The following RNF141 variants were observed in gnomAD, a reference collection of about 807,000 sequenced individuals.
RNF141 encodes ring finger protein 141.
RNF141 carries 18 observed loss-of-function variants against 27.4 expected under a neutral mutation model. The observed-to-expected ratio is 0.66, with a 90% confidence interval of 0.45 to 0.97. RNF141 has a LOEUF of 0.97. Among genes scored for constraint, RNF141 ranks in the 50% least tolerant of loss-of-function variants. The pLI, the probability that RNF141 is intolerant of heterozygous loss-of-function variation, is 0.00. For synonymous variants in RNF141, 97 were observed against 96.6 expected (o/e 1.00, Z -0.02); for missense variants, 230 against 279.4 (o/e 0.82, Z 1.26).
intron 2 of RNF141, chr11:10,532,120 CAA>C: frequency 3.2e-6 from 1 of 315,304 alleles, no homozygotes. Context: ...TGCTAAAGGG[CAA>C]AACTTCATAC....
At chr11:10,537,383 A>C (rs2133977351) in intron 1 of RNF141, among the ~76,000 whole-genome samples, 2 of 152,370 alleles carry the variant, frequency 1.3e-5, no homozygotes, top group Middle Eastern at 6.8e-3. Context: ...AATGTAATTA[A>C]GATTCTAGTC....
chr11:10,534,614 T>C (rs1464153712), intron 1 of RNF141, among the ~76,000 whole-genome samples: 1 of 152,166 alleles, frequency 6.6e-6, no homozygotes, highest in Non-Finnish European at 1.5e-5. Flanking sequence ...TTCCGTATAT[T>C]ATGTCAATTA....
At chr11:10,528,301 C>T (rs1263177852) in intron 3 of RNF141, among the ~76,000 whole-genome samples, 2 of 152,096 alleles carry the variant, frequency 1.3e-5, no homozygotes, top group Non-Finnish European at 2.9e-5. Context: ...ACACTGACCT[C>T]TCAGATTCTT....
chr11:10,540,395 A>ATCCACATT (rs1850085580), intron 1 of RNF141, among the ~76,000 whole-genome samples: 1 of 152,214 alleles, frequency 6.6e-6, no homozygotes, highest in Non-Finnish European at 1.5e-5. Flanking sequence ...ACAATCGTAA[A>ATCCACATT]TCCACATTTT....
intron 4 of RNF141, 145 bp downstream of exon 4, chr11:10,525,047 C>T (rs1849919876): frequency 1.8e-6 from 1 of 568,760 alleles, no homozygotes; most frequent in East Asian, 3.1e-5. Flanking sequence ...CACAGAATAA[C>T]CCCAAAACTG....
intron 5 of RNF141, chr11:10,516,043 G>A (rs1443000023): frequency 6.6e-6 from 1 of 152,114 alleles, no homozygotes; most frequent in Non-Finnish European, 1.5e-5. Flanking sequence ...AGTGAAATCT[G>A]GGACCAAAGT....
rs1489796241 is a variant in RNF141, at chr11:10,512,155, TTATATTTCC to T, written c.*2752_*2760del. On this transcript the variant is annotated 3_prime_UTR_variant, in exon 6 of 6. Transcript: ENST00000265981. ...CTTCACAAATCCTAGAAGGCACACA[TTATATTTCC>T]TATCATAGTAAGTACATTTAAGTAC... 6.6e-6 allele frequency: 1 copy of T among 152,650 alleles called. No homozygotes were observed. Among genetic ancestry groups the T allele is most frequent in the Non-Finnish European group, 1.5e-5 (1 of 68,044 alleles). 9.5% of individuals were successfully genotyped at this position (152,650 alleles called of 1,614,324 possible). A position where few individuals can be genotyped will look rare whatever the true frequency, so the allele number is the denominator to read the frequency against.
At chr11:10,518,476 G>T (rs1487328198) in intron 5 of RNF141, 1 of 150,308 alleles carries the variant, frequency 6.7e-6, no homozygotes, top group Non-Finnish European at 1.5e-5. Flanking sequence ...CTGAATGAAA[G>T]AAGCCAGACA....
intron 3 of RNF141, among the ~76,000 whole-genome samples, chr11:10,526,047 G>A (rs181710479): frequency 1.1e-4 from 16 of 152,228 alleles, no homozygotes; most frequent in African/African-American, 3.4e-4. Flanking sequence ...CACAAGCTTT[G>A]GGGAGCCATG....
Position 10,530,693 on chromosome 11 carries a change from A to G in RNF141, c.202T>C (p.Ser68Pro). ...ACTTTCCAAAAAGCAGAGGAATCAG[A>G]CCCAGGTTGTACCTCAAAGAGAAGA... ...KHLLFEVQPG[S>P]DSSAFWKVVV... The change falls in exon 3 of 6, where the codon TCT (serine) becomes CCT (proline). Residue 68 changes from serine (S) to proline (P), a missense_variant. Physicochemically the swap from Ser to Pro is moderately conservative, Grantham distance 74. Coordinates refer to ENST00000265981, the MANE Select transcript of RNF141 (RefSeq NM_016422.4). The G allele has an allele frequency of 6.2e-7, 1 of 1,611,748 alleles. No individual in the cohort carries two copies. Among genetic ancestry groups the G allele is most frequent in the African/African-American group, 1.3e-5 (1 of 74,980 alleles).
At chr11:10,527,345 G>T (rs1054538587) in intron 3 of RNF141, among the ~76,000 whole-genome samples, 1 of 152,222 alleles carries the variant, frequency 6.6e-6, no homozygotes, top group Non-Finnish European at 1.5e-5. Flanking sequence ...AGGGGTTACA[G>T]GGAAGGCCTT....
At chr11:10,517,738 G>T (rs939752984) in intron 5 of RNF141, 2 of 151,972 alleles carry the variant, frequency 1.3e-5, no homozygotes, top group African/African-American at 2.4e-5. Context: ...ATACTCTCAA[G>T]TCTAGAATTC....
chr11:10,539,555 T>A (rs1023682541), intron 1 of RNF141, among the ~76,000 whole-genome samples: 4 of 150,704 alleles, frequency 2.7e-5, no homozygotes, highest in African/African-American at 9.7e-5. Context: ...AAACTGTAGA[T>A]CTGTAAACAG....
chr11:10,526,386 ATAT>A (rs759531642), intron 3 of RNF141, among the ~76,000 whole-genome samples: 14 of 152,226 alleles, frequency 9.2e-5, no homozygotes, highest in African/African-American at 2.4e-4. Context: ...ATATTTTAAA[ATAT>A]TATTATACAT....
intron 5 of RNF141, chr11:10,516,166 C>T (rs1252305703): frequency 1.3e-5 from 2 of 152,166 alleles, no homozygotes; most frequent in African/African-American, 2.4e-5. Flanking sequence ...ATTTCTAGTT[C>T]TTCAGAGGTA....
At chr11:10,520,786 C>T (rs1364573581) in intron 4 of RNF141, among the ~76,000 whole-genome samples, 1 of 152,128 alleles carries the variant, frequency 6.6e-6, no homozygotes, top group Admixed American at 6.5e-5. Context: ...ATTAGGATGG[C>T]TACGACGTCC....
At chr11:10,536,383 T>C (rs1850035530) in intron 1 of RNF141, among the ~76,000 whole-genome samples, 2 of 152,080 alleles carry the variant, frequency 1.3e-5, no homozygotes, top group African/African-American at 4.8e-5. Context: ...CACCAAGAGT[T>C]GGGCTGTTTA....
chr11:10,526,011 T>C (rs1315764244), intron 3 of RNF141, among the ~76,000 whole-genome samples: 1 of 152,092 alleles, frequency 6.6e-6, no homozygotes, highest in East Asian at 1.9e-4. Flanking sequence ...TAGAAGATAC[T>C]TGGGGCAAGC....
intron 4 of RNF141, among the ~76,000 whole-genome samples, chr11:10,522,596 G>A (rs926102080): frequency 3.3e-5 from 5 of 152,124 alleles, no homozygotes; most frequent in African/African-American, 1.2e-4. Context: ...AGGAACTGGG[G>A]GTGTTTATCC....
Sources: allele counts gnomAD v4.1 joint callset (sites outside exome capture counted in the v4.1 genomes callset), GRCh38; gene constraint gnomAD v4.1.1; transcripts MANE v1.5; gene names NCBI Gene and HGNC (gene_info 2026-07-23, HGNC 2026-07-21).